TENM3: variants seen among roughly 807,000 people sequenced by gnomAD.
TENM3 encodes teneurin-3.
In TENM3, 63 loss-of-function variants were observed where a neutral mutation model predicts 255.1. The observed-to-expected ratio is 0.25, with a 90% CI of 0.20 to 0.30. TENM3 has a LOEUF of 0.30. TENM3 is among the 10% of genes least tolerant of loss of function. The pLI is 1.00. For synonymous variants in TENM3, 1,306 were observed against 1,322.3 expected, an observed-to-expected ratio of 0.99 and a Z score of 0.27; for missense variants, 2,929 against 3,461.1, an observed-to-expected ratio of 0.85 and a Z score of 3.86.
chr4:182,128,165 G>GA, the TENM3 span, among the ~76,000 whole-genome samples: 2 of 151,524 alleles, frequency 1.3e-5, no homozygotes, highest in African/African-American at 2.4e-5. Flanking sequence ...AAAATCTGTG[G>GA]AAAAAAACGC....
At chr4:181,947,408 T>C in the TENM3 span, among the ~76,000 whole-genome samples, 1 of 152,186 alleles carries the variant, frequency 6.6e-6, no homozygotes, top group Non-Finnish European at 1.5e-5. Flanking sequence ...TTCCTAGACT[T>C]GTGATTGGTT....
chr4:182,485,314 C>G (rs1734590573), intron 3 of TENM3, among the ~76,000 whole-genome samples: 1 of 152,014 alleles, frequency 6.6e-6, no homozygotes, highest in African/African-American at 2.4e-5. Flanking sequence ...TGACAGAGAT[C>G]CCTTTGTCTA....
the TENM3 span, among the ~76,000 whole-genome samples, chr4:181,912,830 G>A: frequency 1.3e-5 from 2 of 151,898 alleles, no homozygotes; most frequent in Non-Finnish European, 2.9e-5. Context: ...GTGCAGCTCA[G>A]GATTTTGAAT....
At chr4:182,388,057 C>T (rs146182859) in intron 3 of TENM3, among the ~76,000 whole-genome samples, 54 of 152,124 alleles carry the variant, frequency 3.5e-4, no homozygotes, top group Non-Finnish European at 6.3e-4. Flanking sequence ...AATGGAGACT[C>T]GCACTTTCGC....
the TENM3 span, among the ~76,000 whole-genome samples, chr4:181,701,919 A>T: frequency 6.6e-6 from 1 of 152,224 alleles, no homozygotes; most frequent in African/African-American, 2.4e-5. Flanking sequence ...CTTTTGGCGT[A>T]TGATGGCTTG....
the TENM3 span, among the ~76,000 whole-genome samples, chr4:181,754,036 C>A: frequency 3.3e-5 from 5 of 152,070 alleles, no homozygotes; most frequent in East Asian, 7.8e-4. Flanking sequence ...ATGTTTTTTG[C>A]AAAACACTTT....
chr4:181,551,542 T>C, the TENM3 span, among the ~76,000 whole-genome samples: 18 of 152,290 alleles, frequency 1.2e-4, no homozygotes, highest in African/African-American at 4.3e-4. Flanking sequence ...ACTGGCACTT[T>C]TCCTGGGGGA....
chr4:181,675,164 A>G, the TENM3 span, among the ~76,000 whole-genome samples: 51 of 152,298 alleles, frequency 3.3e-4, no homozygotes, highest in African/African-American at 1.2e-3. Context: ...ATATTATCAA[A>G]TCAAAGAGCA....
intron 3 of TENM3, among the ~76,000 whole-genome samples, chr4:182,535,448 A>T (rs972864192): frequency 1.8e-4 from 27 of 152,160 alleles, no homozygotes; most frequent in African/African-American, 6.3e-4. Context: ...AAGAATTTTT[A>T]TTGTGGCTGG....
At chr4:181,476,215 T>TTTTG in the TENM3 span, among the ~76,000 whole-genome samples, 9 of 150,880 alleles carry the variant, frequency 6.0e-5, no homozygotes, top group Non-Finnish European at 1.0e-4. Flanking sequence ...GGTTTTTTTT[T>TTTTG]TTTTTTTTTG....
chr4:182,462,351 T>TAA (rs1455410043), intron 3 of TENM3, among the ~76,000 whole-genome samples: 2 of 151,958 alleles, frequency 1.3e-5, no homozygotes, highest in East Asian at 3.9e-4. Context: ...GAGCCACTGC[T>TAA]CCCGGCCTAG....
In TENM3 at chr4:182,789,507, C is replaced by G; in HGVS notation, c.5601+118C>G. The stretch of plus-strand genomic sequence containing the variant: ...ACATGACTGAGTTCCATTTGTTATT[C>G]GAAGTATCAATACGGAAGTCACATT... On this transcript the variant is annotated intron_variant, in intron 25 of 27. Coordinates refer to ENST00000511685, the MANE Select transcript of TENM3 (RefSeq NM_001080477.4). This position sits in a 1 kb window ranked among gnomAD's most constrained non-coding sequence, Gnocchi z 4.4. The G allele has an allele frequency of 3.1e-6, 3 of 976,878 alleles. No individual in the cohort carries two copies. Among genetic ancestry groups the G allele is most frequent in the Admixed American group, 2.7e-5 (1 of 36,772 alleles). 60.5% of individuals were successfully genotyped at this position (976,878 alleles called of 1,614,324 possible).
At chr4:182,099,945 A>G in the TENM3 span, among the ~76,000 whole-genome samples, 4 of 152,174 alleles carry the variant, frequency 2.6e-5, no homozygotes, top group African/African-American at 4.8e-5. Flanking sequence ...CCTTTAGAGC[A>G]GGGCTCAGCA....
At chr4:182,503,098 A>T (rs1736481056) in intron 3 of TENM3, among the ~76,000 whole-genome samples, 1 of 152,142 alleles carries the variant, frequency 6.6e-6, no homozygotes, top group Admixed American at 6.5e-5. Context: ...TTCAAGCTAC[A>T]GTTCATTTCA....
At chr4:181,923,644 A>C in the TENM3 span, among the ~76,000 whole-genome samples, 1 of 152,182 alleles carries the variant, frequency 6.6e-6, no homozygotes, top group South Asian at 2.1e-4. Flanking sequence ...CATTTCATTA[A>C]GGGCACAATT....
chr4:182,320,889 C>T (rs1306096801), intron 1 of TENM3, among the ~76,000 whole-genome samples: 8 of 152,156 alleles, frequency 5.3e-5, no homozygotes, highest in Non-Finnish European at 1.2e-4. Flanking sequence ...AGCAAAACAG[C>T]AGCAGAGCAG....
intron 13 of TENM3, among the ~76,000 whole-genome samples, chr4:182,721,665 A>G (rs1418221187): frequency 6.6e-6 from 1 of 152,164 alleles, no homozygotes; most frequent in African/African-American, 2.4e-5. Flanking sequence ...TTTGATAGCT[A>G]CTGCTCAATT....
chr4:182,726,953 G>T (rs1760246427), intron 13 of TENM3, among the ~76,000 whole-genome samples: 1 of 152,028 alleles, frequency 6.6e-6, no homozygotes, highest in Non-Finnish European at 1.5e-5. Context: ...TTTAAAAAAA[G>T]ACTTTATTTT....
At chr4:181,952,948 A>G in the TENM3 span, among the ~76,000 whole-genome samples, 1 of 152,214 alleles carries the variant, frequency 6.6e-6, no homozygotes, top group Admixed American at 6.5e-5. Context: ...AGTTACATGC[A>G]TTCAACAGTC....
Sources: gnomAD v4.1 joint callset for allele counts (sites outside exome capture counted in the v4.1 genomes callset) on GRCh38, gnomAD v4.1.1 for gene constraint, Gnocchi (gnomAD v3.1) non-coding constraint, MANE v1.5 for transcripts, NCBI Gene and HGNC (gene_info 2026-07-23, HGNC 2026-07-21) for gene names.